RBFOX1: variants seen among roughly 807,000 people sequenced by gnomAD.
RBFOX1 encodes the protein RNA binding fox-1 homolog 1, also known as RNA binding protein fox-1 homolog 1.
A neutral mutation model predicts 57.7 loss-of-function variants in RBFOX1; 8 were observed. The observed-to-expected ratio is 0.14, with a 90% CI of 0.08 to 0.25. The LOEUF (loss-of-function observed/expected upper bound fraction) is 0.25, where lower values mean the gene tolerates loss of function less well. Ranked by LOEUF, RBFOX1 falls within the 10% of genes least tolerant of loss-of-function variation. RBFOX1 has a pLI of 1.00. For missense variants in RBFOX1, 611 were observed against 548.5 expected, an observed-to-expected ratio of 1.11 and a Z score of -1.14; for synonymous variants, 326 against 222.4, an observed-to-expected ratio of 1.47 and a Z score of -4.15.
intron 2 of RBFOX1, among the ~76,000 whole-genome samples, chr16:5,497,843 A>G (rs2043055042): frequency 6.6e-6 from 1 of 152,194 alleles, no homozygotes; most frequent in Non-Finnish European, 1.5e-5. Context: ...TAACAAAGTG[A>G]TGAAATCAAA....
At chr16:7,355,086 C>G (rs1368337624) in intron 4 of RBFOX1, among the ~76,000 whole-genome samples, 1 of 152,308 alleles carries the variant, frequency 6.6e-6, no homozygotes, top group Non-Finnish European at 1.5e-5. Flanking sequence ...TCCCAAAACT[C>G]TAACAGGTAG....
At chr16:6,780,842 G>T (rs571425380) in intron 3 of RBFOX1, among the ~76,000 whole-genome samples, 1 of 151,718 alleles carries the variant, frequency 6.6e-6, no homozygotes, top group African/African-American at 2.4e-5. Context: ...GGATTATTTG[G>T]GTTGGGGTTT....
At chr16:6,282,775 C>T (rs1184363798) in intron 1 of RBFOX1, among the ~76,000 whole-genome samples, 9 of 152,148 alleles carry the variant, frequency 5.9e-5, no homozygotes, top group Non-Finnish European at 8.8e-5. Flanking sequence ...CTCTTAGCTT[C>T]CTATCAGCCT....
At chr16:6,336,183 T>TATATATATA (rs58685775) in intron 2 of RBFOX1, among the ~76,000 whole-genome samples, 1 of 22,556 alleles carries the variant, frequency 4.4e-5, no homozygotes, top group African/African-American at 1.6e-4. Flanking sequence ...ATATATATAT[T>TATATATATA]TTTTTTTTTT....
intron 4 of RBFOX1, among the ~76,000 whole-genome samples, chr16:7,235,579 G>A (rs76775850): frequency 6.6e-6 from 1 of 152,140 alleles, no homozygotes; most frequent in Non-Finnish European, 1.5e-5. Flanking sequence ...GAAAGGCAGT[G>A]GCTGCGTTTG....
At chr16:7,488,304 T>C (rs2065950620) in intron 4 of RBFOX1, among the ~76,000 whole-genome samples, 1 of 152,180 alleles carries the variant, frequency 6.6e-6, no homozygotes, top group African/African-American at 2.4e-5. Flanking sequence ...TCACTCTGCA[T>C]TTTTCTCCTT....
At chr16:7,616,514 T>C (rs2058471939) in intron 10 of RBFOX1, among the ~76,000 whole-genome samples, 1 of 152,212 alleles carries the variant, frequency 6.6e-6, no homozygotes, top group Non-Finnish European at 1.5e-5. Flanking sequence ...CATAAACAAT[T>C]GGATCAAACC....
intron 1 of RBFOX1, among the ~76,000 whole-genome samples, chr16:6,253,706 TA>T (rs2097642143): frequency 6.6e-6 from 1 of 151,704 alleles, no homozygotes; most frequent in East Asian, 1.9e-4. Context: ...TGTGTATATA[TA>T]TATATATGTA....
At chr16:5,465,175 G>T (rs1365688236) in intron 1 of RBFOX1, among the ~76,000 whole-genome samples, 3 of 152,162 alleles carry the variant, frequency 2.0e-5, no homozygotes, top group Non-Finnish European at 4.4e-5. Flanking sequence ...CCAAGATCGA[G>T]GTGTCAGCAG....
intron 1 of RBFOX1, among the ~76,000 whole-genome samples, chr16:6,254,788 GT>G (rs1195888225): frequency 1.3e-5 from 2 of 152,038 alleles, no homozygotes; most frequent in African/African-American, 4.8e-5. Context: ...AAATATACAT[GT>G]GAAAGGAAAT....
chr16:6,837,417 C>T (rs2093178522), intron 3 of RBFOX1, among the ~76,000 whole-genome samples: 1 of 152,196 alleles, frequency 6.6e-6, no homozygotes, highest in Non-Finnish European at 1.5e-5. Flanking sequence ...CCAGCTAGAG[C>T]TGATCACCCA....
chr16:7,517,586 A>T (rs77814657), intron 4 of RBFOX1, among the ~76,000 whole-genome samples: 3,734 of 151,974 alleles, frequency 0.025, 131 homozygotes, highest in African/African-American at 0.085. Flanking sequence ...CATAACACAC[A>T]ACCACACAGA....
intron 2 of RBFOX1, among the ~76,000 whole-genome samples, chr16:5,482,495 T>G (rs1251103203): frequency 6.6e-6 from 1 of 152,198 alleles, no homozygotes; most frequent in African/African-American, 2.4e-5. Context: ...GGTGCAGAAG[T>G]CAGCGTCTGA....
intron 1 of RBFOX1, among the ~76,000 whole-genome samples, chr16:5,421,207 C>T (rs2067315935): frequency 6.6e-6 from 1 of 151,824 alleles, no homozygotes; most frequent in Non-Finnish European, 1.5e-5. Flanking sequence ...GAGGTTTCAC[C>T]ATGTTGACCA....
At chr16:5,524,680 A>G (rs1399765756) in intron 2 of RBFOX1, among the ~76,000 whole-genome samples, 2 of 151,854 alleles carry the variant, frequency 1.3e-5, no homozygotes, top group East Asian at 1.9e-4. Context: ...AGCCGGGATT[A>G]CAGACGCATG....
chr16:6,289,807 C>T (rs534651434), intron 1 of RBFOX1, among the ~76,000 whole-genome samples: 1 of 152,038 alleles, frequency 6.6e-6, no homozygotes, highest in East Asian at 1.9e-4. Context: ...GGAGTTAAGG[C>T]CATCAGTAAA....
intron 2 of RBFOX1, among the ~76,000 whole-genome samples, chr16:5,496,051 A>T (rs1223538500): frequency 6.6e-6 from 1 of 152,150 alleles, no homozygotes; most frequent in Non-Finnish European, 1.5e-5. Context: ...GCTTCAACCC[A>T]GGAGGCAGGG....
intron 2 of RBFOX1, among the ~76,000 whole-genome samples, chr16:6,565,170 A>G (rs754789284): frequency 2.0e-5 from 3 of 151,410 alleles, no homozygotes; most frequent in Admixed American, 6.6e-5. Flanking sequence ...AAGGTAAACT[A>G]CAGTGATAAC....
chr16:5,431,502 G>A (rs1290134561), intron 1 of RBFOX1, among the ~76,000 whole-genome samples: 4 of 151,934 alleles, frequency 2.6e-5, no homozygotes, highest in Non-Finnish European at 5.9e-5. Context: ...AGACTCCTGA[G>A]TGGCTGGGAT....
Sources: gnomAD v4.1 joint callset for allele counts (sites outside exome capture counted in the v4.1 genomes callset) on GRCh38, gnomAD v4.1.1 for gene constraint, MANE v1.5 for transcripts, NCBI Gene and HGNC (gene_info 2026-07-23, HGNC 2026-07-21) for gene names.